CORIN: variants seen among roughly 807,000 people sequenced by gnomAD.
CORIN encodes atrial natriuretic peptide-converting enzyme.
In CORIN, 117 loss-of-function variants were observed where a neutral mutation model predicts 125.3. The observed-to-expected ratio is 0.93, with a 90% CI of 0.80 to 1.09. The LOEUF (loss-of-function observed/expected upper bound fraction) is 1.09. CORIN is among the 50% of genes least tolerant of loss of function. The probability of loss-of-function intolerance (pLI) is 0.00; values close to 1 mark genes in which losing one functional copy is unlikely to be tolerated. For missense variants in CORIN, 1,253 were observed against 1,306.7 expected (o/e 0.96, Z 0.63); for synonymous variants, 450 against 466.4 (o/e 0.96, Z 0.45).
intron 16 of CORIN, among the ~76,000 whole-genome samples, chr4:47,639,898 G>A (rs1271223276): frequency 3.9e-5 from 6 of 152,092 alleles, no homozygotes; most frequent in Non-Finnish European, 7.4e-5. Flanking sequence ...GTCAATTCAT[G>A]AGCCACTCAA....
chr4:47,823,183 T>G (rs575702622), intron 1 of CORIN, among the ~76,000 whole-genome samples: 16 of 152,326 alleles, frequency 1.1e-4, no homozygotes, highest in African/African-American at 3.1e-4. Context: ...GGTTTATAAT[T>G]TGTTACTATC....
intron 1 of CORIN, among the ~76,000 whole-genome samples, chr4:47,828,837 G>A (rs1158814532): frequency 6.6e-6 from 1 of 151,928 alleles, no homozygotes; most frequent in Non-Finnish European, 1.5e-5. Context: ...ATGCTGTAAG[G>A]GTAGTGAAAT....
intron 9 of CORIN, among the ~76,000 whole-genome samples, chr4:47,675,869 A>C (rs533830000): frequency 1.4e-3 from 216 of 152,302 alleles, no homozygotes; most frequent in African/African-American, 5.0e-3. Flanking sequence ...TACCACGCCC[A>C]GCTAAAATAC....
chr4:47,732,674 C>A (rs1727929876), intron 5 of CORIN, among the ~76,000 whole-genome samples: 1 of 152,034 alleles, frequency 6.6e-6, no homozygotes, highest in Admixed American at 6.5e-5. Context: ...AGCAATTCTC[C>A]TGCCTCAGCC....
At chr4:47,745,658 T>C (rs1293649238) in intron 4 of CORIN, among the ~76,000 whole-genome samples, 1 of 152,194 alleles carries the variant, frequency 6.6e-6, no homozygotes, top group Non-Finnish European at 1.5e-5. Context: ...ACTCTCCCTG[T>C]CTCTTCTCTT....
intron 5 of CORIN, among the ~76,000 whole-genome samples, chr4:47,709,005 C>G (rs1726710515): frequency 1.3e-5 from 2 of 152,182 alleles, no homozygotes. Flanking sequence ...TGTGACTTTC[C>G]CAGGAAGCAA....
intron 16 of CORIN, among the ~76,000 whole-genome samples, chr4:47,635,371 T>C (rs1460424882): frequency 6.6e-6 from 1 of 152,192 alleles, no homozygotes; most frequent in Non-Finnish European, 1.5e-5. Flanking sequence ...CCAAATGTGA[T>C]AGAGTTACAT....
chr4:47,788,229 C>T (rs984434576), intron 2 of CORIN, among the ~76,000 whole-genome samples: 23 of 151,970 alleles, frequency 1.5e-4, no homozygotes, highest in African/African-American at 5.5e-4. Flanking sequence ...CTAAATAGTC[C>T]CAAGGACCAT....
chr4:47,834,864 C>T (rs1452517215), intron 1 of CORIN, among the ~76,000 whole-genome samples: 1 of 152,188 alleles, frequency 6.6e-6, no homozygotes, highest in East Asian at 1.9e-4. Flanking sequence ...ACGTATTCCA[C>T]AGTCTGCAGT....
At chr4:47,647,577 G>C (rs1723544950) in intron 13 of CORIN, among the ~76,000 whole-genome samples, 1 of 152,042 alleles carries the variant, frequency 6.6e-6, no homozygotes, top group Non-Finnish European at 1.5e-5. Flanking sequence ...CCACATTCTA[G>C]ATATTAGCTT....
At chr4:47,790,553 C>A (rs893334586) in intron 2 of CORIN, among the ~76,000 whole-genome samples, 4 of 152,124 alleles carry the variant, frequency 2.6e-5, no homozygotes, top group Non-Finnish European at 2.9e-5. Flanking sequence ...AAGAGCCCAG[C>A]TTTTAGGTGA....
At chr4:47,789,402 C>T (rs60338190) in intron 2 of CORIN, among the ~76,000 whole-genome samples, 29,766 of 152,184 alleles carry the variant, frequency 0.2, 3,554 homozygotes, top group Admixed American at 0.29. Context: ...AAAACACTGA[C>T]TTGGATAACA....
intron 2 of CORIN, among the ~76,000 whole-genome samples, chr4:47,800,502 T>G (rs1029952389): frequency 5.3e-5 from 8 of 152,132 alleles, no homozygotes; most frequent in African/African-American, 1.9e-4. Context: ...CTGAGGAAGC[T>G]CCTACCAGAC....
chr4:47,659,581 G>A (rs540995696), intron 12 of CORIN, among the ~76,000 whole-genome samples: 7 of 152,158 alleles, frequency 4.6e-5, no homozygotes, highest in Non-Finnish European at 7.3e-5. Flanking sequence ...TAGGGGAAGA[G>A]ATGCTACAGC....
At chr4:47,694,133 G>A (rs28552537) in intron 5 of CORIN, among the ~76,000 whole-genome samples, 1 of 152,216 alleles carries the variant, frequency 6.6e-6, no homozygotes, top group East Asian at 1.9e-4. Context: ...TACTGTTACA[G>A]CCATTGAAAA....
intron 5 of CORIN, among the ~76,000 whole-genome samples, chr4:47,696,309 C>T (rs1037851366): frequency 6.6e-6 from 1 of 152,122 alleles, no homozygotes; most frequent in African/African-American, 2.4e-5. Flanking sequence ...GAAACTATTT[C>T]CACTAACTAT....
chr4:47,610,547 G>C (rs1447905055), intron 19 of CORIN, among the ~76,000 whole-genome samples: 1 of 151,850 alleles, frequency 6.6e-6, no homozygotes, highest in East Asian at 1.9e-4. Flanking sequence ...TCTGTAGGTT[G>C]TCTATTCAAT....
At chr4:47,613,959 A>T (rs1006751537) in intron 19 of CORIN, among the ~76,000 whole-genome samples, 133 of 82,028 alleles carry the variant, frequency 1.6e-3, no homozygotes, top group African/African-American at 8.0e-3. Flanking sequence ...AAAGTATAAT[A>T]AAAAAAAAAA....
intron 15 of CORIN, 162 bp downstream of exon 15, chr4:47,642,984 T>C (rs1723297311): frequency 1.3e-6 from 2 of 1,537,132 alleles, no homozygotes; most frequent in African/African-American, 1.4e-5. Flanking sequence ...TTTCTGTGAG[T>C]TGGAAATAAC....
Sources: allele counts gnomAD v4.1 joint callset (sites outside exome capture counted in the v4.1 genomes callset), GRCh38; gene constraint gnomAD v4.1.1; transcripts MANE v1.5; gene names NCBI Gene and HGNC (gene_info 2026-07-23, HGNC 2026-07-21).